CMTM1: variants seen among roughly 807,000 people sequenced by gnomAD.
The protein encoded by CMTM1 is CKLF like MARVEL transmembrane domain containing 1.
CMTM1 carries 16 observed loss-of-function variants against 17.8 expected under a neutral mutation model. The observed-to-expected ratio is 0.90, with a 90% CI of 0.61 to 1.37. The LOEUF (loss-of-function observed/expected upper bound fraction) is 1.37, where lower values mean the gene tolerates loss of function less well. Among genes scored for constraint, CMTM1 ranks in the 40% most tolerant of loss-of-function variants. The probability of loss-of-function intolerance (pLI) is 0.00; values close to 1 mark genes in which losing one functional copy is unlikely to be tolerated. For synonymous variants in CMTM1, 169 were observed against 154.6 expected, an observed-to-expected ratio of 1.09 and a Z score of -0.69; for missense variants, 354 against 375.6, an observed-to-expected ratio of 0.94 and a Z score of 0.47.
rs1041918695 is a variant in CMTM1 at position 66,577,177 on chromosome 16, G to A, written c.665G>A (p.Arg222Lys). 3 of 1,613,796 alleles carry A rather than the reference G, an allele frequency of 1.9e-6. No homozygotes were observed. Among genetic ancestry groups the A allele is most frequent in the African/African-American group, 2.7e-5 (2 of 74,910 alleles). Residue 222 changes from arginine (R) to lysine (K), a missense_variant, in exon 3 of 4, where the codon AGA becomes AAA. By Grantham distance (26) the Arg-to-Lys change is conservative. Transcript: ENST00000379500. ...ATCTTGGCCATGCAAGAAAAGAAAAGAAGGCATTTACTCTATGTCGGGGGG... is the reference window on the plus strand; with the variant it reads ...ATCTTGGCCATGCAAGAAAAGAAAAAAAGGCATTTACTCTATGTCGGGGGG... ...VAILAMQEKK[R>K]RHLLYVGGSL...
At chr16:66,567,014 G>A (rs1242866935) in intron 1 of CMTM1, 69 bp downstream of exon 1, 1 of 1,525,912 alleles carries the variant, frequency 6.6e-7, no homozygotes, top group Non-Finnish European at 9.0e-7. Flanking sequence ...AAATGCCCAC[G>A]GGGTGCCAGC....
rs372596415 is a variant in CMTM1 at position 66,576,125 on chromosome 16, G to A, written c.592-979G>A. Among the ~76,000 whole-genome samples, 10 of 152,266 alleles carry A rather than the reference G, an allele frequency of 6.6e-5. No individual in the cohort carries two copies. In the East Asian group the frequency reaches 1.4e-3, roughly 21 times the overall value. On this transcript the variant is annotated intron_variant, in intron 2 of 3. Coordinates refer to ENST00000379500, the MANE Select transcript of CMTM1 (RefSeq NM_052999.4). The stretch of plus-strand genomic sequence containing the variant: ...AAAGAACTCAGGACTGGCCGGGCGC[G>A]GTGGCTCACGCCTATAATCCCAGCA...
chr16:66,578,759 G>T, intron 3 of CMTM1, 72 bp from the exon 4 acceptor site: 7 of 1,575,948 alleles, frequency 4.4e-6, no homozygotes, highest in Non-Finnish European at 6.0e-6. Flanking sequence ...ATAGGGATAG[G>T]TTCGAGAGGT....
At chr16:66,574,893 G>T in intron 2 of CMTM1, 1 of 921,598 alleles carries the variant, frequency 1.1e-6, no homozygotes, top group Non-Finnish European at 1.3e-6. Context: ...TCAGTTGTAA[G>T]AATCCTTGTT....
intron 2 of CMTM1, among the ~76,000 whole-genome samples, chr16:66,576,454 C>T (rs1368282100): frequency 1.3e-5 from 2 of 151,806 alleles, no homozygotes; most frequent in Non-Finnish European, 2.9e-5. Flanking sequence ...AGAAGGAGCA[C>T]AATGAGCCTG....
intron 1 of CMTM1, among the ~76,000 whole-genome samples, chr16:66,568,060 TAGAG>T (rs1320334147): frequency 1.1e-4 from 17 of 152,154 alleles, no homozygotes; most frequent in Admixed American, 2.6e-4. Context: ...TGTCAAAGAA[TAGAG>T]AAAGAAGAAA....
intron 2 of CMTM1, among the ~76,000 whole-genome samples, chr16:66,571,909 G>A (rs767704716): frequency 3.3e-5 from 5 of 152,216 alleles, no homozygotes; most frequent in Admixed American, 1.3e-4. Flanking sequence ...AGCATGAACC[G>A]TGAGTGTCCT....
rs752236513 is a variant in CMTM1 at position 66,566,889 on chromosome 16, G to A, written c.376G>A (p.Asp126Asn). The change falls in exon 1 of 4, where the codon GAC becomes AAC. Residue 126 changes from aspartate (D) to asparagine (N), a missense_variant. Coordinates refer to ENST00000379500, the MANE Select transcript of CMTM1 (RefSeq NM_052999.4). The surrounding 1 kb of genome is among the most constrained non-coding windows in gnomAD (Gnocchi z 4.9). ...GRAKVPYKFR[D>N]SLKRFSFSPT... Reference sequence around the variant, plus strand: ...AGCCAAAGTCCCGTACAAATTCAGGGACAGCCTCAAACGTTTCTCCTTCTC... The same window carrying A: ...AGCCAAAGTCCCGTACAAATTCAGGAACAGCCTCAAACGTTTCTCCTTCTC... 6.2e-7 allele frequency: 1 copy of A among 1,614,112 alleles called. No individual in the cohort carries two copies. Among genetic ancestry groups the A allele is most frequent in the Non-Finnish European group, 8.5e-7 (1 of 1,180,038 alleles).
intron 2 of CMTM1, chr16:66,571,409 A>C: frequency 3.0e-6 from 1 of 332,330 alleles, no homozygotes; most frequent in Non-Finnish European, 5.9e-6. Context: ...GATTAAAGAC[A>C]TTCAGTTGCC....
At chr16:66,569,146 A>C (rs1460420791) in intron 1 of CMTM1, among the ~76,000 whole-genome samples, 1 of 152,280 alleles carries the variant, frequency 6.6e-6, no homozygotes, top group Non-Finnish European at 1.5e-5. Context: ...AGAAAACTTT[A>C]AAACTCTCCT....
At chr16:66,568,837 G>A (rs2013037164) in intron 1 of CMTM1, among the ~76,000 whole-genome samples, 1 of 149,168 alleles carries the variant, frequency 6.7e-6, no homozygotes. Context: ...AGTGAGCTGA[G>A]ATCACACCAC....
rs371944774 is a variant in CMTM1, at chr16:66,577,090, A to G, written c.592-14A>G. On this transcript the variant is annotated splice_polypyrimidine_tract_variant and intron_variant, in intron 2 of 3. Coordinates refer to ENST00000379500, the MANE Select transcript of CMTM1 (RefSeq NM_052999.4). ...TGTTGTGTAAACTTGATAATTTTCA[A>G]TTCTTTATTACAGGATCTTACCAAC... The G allele has an allele frequency of 7.2e-5, 115 of 1,604,636 alleles. No homozygotes were observed. The African/African-American group carries it at 1.3e-3, about 18-fold the overall frequency.
chr16:66,569,846 A>G (rs1443109697), intron 1 of CMTM1, 90 bp from the exon 2 acceptor site: 1 of 900,846 alleles, frequency 1.1e-6, no homozygotes, highest in East Asian at 2.5e-5. Context: ...AATACAGGCC[A>G]CTGTACTGTG....
rs537027985 is a variant in CMTM1, at chr16:66,570,075, A to G, written c.572A>G (p.Tyr191Cys). The change falls in exon 2 of 4, where the codon TAT becomes TGT. Residue 191 changes from tyrosine to cysteine, a missense_variant. Coordinates refer to ENST00000379500, the MANE Select transcript of CMTM1 (RefSeq NM_052999.4). ...YVLTLHHLLT[Y>C]LHWPLLDLTN... ...CTAACCCTTCACCACTTGCTGACCT[A>G]TTTACATTGGCCCTTACTTGTAAGT... 12 of 1,602,872 alleles carry G rather than the reference A, an allele frequency of 7.5e-6. No individual in the cohort carries two copies. The highest frequency in any genetic ancestry group is 1.7e-4 in the Middle Eastern group (1 of 6,002).
In CMTM1 at chr16:66,566,448, G is replaced by T. The variant is rs1441246051; in HGVS notation, c.-66G>T. ...CAACAGCCGTTGGGACGCGACGCTG[G>T]TTCCCAGGGGAGAGCCAGCCGCTGC... On this transcript the variant is annotated 5_prime_UTR_variant, in exon 1 of 4. Coordinates refer to ENST00000379500, the MANE Select transcript of CMTM1 (RefSeq NM_052999.4). This position sits in a 1 kb window ranked among gnomAD's most constrained non-coding sequence, Gnocchi z 4.9. 4 of 1,494,106 alleles carry T rather than the reference G, an allele frequency of 2.7e-6. No individual in the cohort carries two copies. In the African/African-American group the frequency reaches 4.3e-5, roughly 16 times the overall value. The allele number at this position is 1,494,106 out of a possible 1,614,324, so 92.6% of individuals were successfully genotyped here.
rs1206398533 is a variant in CMTM1 at position 66,571,373 on chromosome 16, C to T, written c.591+1279C>T. On this transcript the variant is annotated intron_variant, in intron 2 of 3. Coordinates refer to ENST00000379500, the MANE Select transcript of CMTM1 (RefSeq NM_052999.4). ...CAGTGAGGTTATGGTCACCCCTCAC[C>T]CCTCATTTAACAGATGAGAAAATTG... The T allele has an allele frequency of 1.2e-5, 4 of 342,808 alleles. No individual in the cohort carries two copies. The Admixed American group carries it at 1.3e-4, about 11-fold the overall frequency. 21.2% of individuals were successfully genotyped at this position (342,808 alleles called of 1,614,324 possible).
intron 2 of CMTM1, among the ~76,000 whole-genome samples, chr16:66,570,657 T>C (rs1567373823): frequency 2.0e-5 from 3 of 152,178 alleles, no homozygotes; most frequent in Non-Finnish European, 4.4e-5. Context: ...AACTGAACAA[T>C]TGCTAAAGCT....
chr16:66,568,560 C>T (rs1241736802), intron 1 of CMTM1, among the ~76,000 whole-genome samples: 1 of 151,946 alleles, frequency 6.6e-6, no homozygotes, highest in Non-Finnish European at 1.5e-5. Flanking sequence ...TCTGAAACCA[C>T]TAGTCATCAT....
chr16:66,575,668 G>A (rs2014142125), intron 2 of CMTM1, among the ~76,000 whole-genome samples: 2 of 152,306 alleles, frequency 1.3e-5, no homozygotes, highest in Middle Eastern at 3.4e-3. Flanking sequence ...TCTGTAAACT[G>A]GGGATGATGG....
Sources: gnomAD v4.1 joint callset for allele counts (sites outside exome capture counted in the v4.1 genomes callset) on GRCh38, gnomAD v4.1.1 for gene constraint, Gnocchi (gnomAD v3.1) non-coding constraint, MANE v1.5 for transcripts, NCBI Gene and HGNC (gene_info 2026-07-23, HGNC 2026-07-21) for gene names.